EML5: variants seen among roughly 807,000 people sequenced by gnomAD.
EML5 encodes the protein EMAP like 5.
EML5 carries 120 observed loss-of-function variants against 250.0 expected under a neutral mutation model. The observed-to-expected ratio is 0.48, with a 90% confidence interval of 0.41 to 0.56. The LOEUF is 0.56. Among genes scored for constraint, EML5 ranks in the 20% least tolerant of loss-of-function variants. The pLI, the probability that EML5 is intolerant of heterozygous loss-of-function variation, is 0.00. For synonymous variants in EML5, 771 were observed against 806.5 expected, an observed-to-expected ratio of 0.96 and a Z score of 0.75; for missense variants, 2,006 against 2,437.6, an observed-to-expected ratio of 0.82 and a Z score of 3.73.
chr14:88,665,595 G>A (rs2092283330), intron 21 of EML5, 106 bp from the exon 22 acceptor site: 4 of 1,476,814 alleles, frequency 2.7e-6, no homozygotes, highest in Middle Eastern at 1.8e-4. Context: ...GGGGAGCTGA[G>A]GCAGGAGGAC....
At chr14:88,686,059 TA>T (rs928607433) in intron 19 of EML5, among the ~76,000 whole-genome samples, 7 of 152,080 alleles carry the variant, frequency 4.6e-5, no homozygotes, top group Non-Finnish European at 1.0e-4. Context: ...GACCCTGTGT[TA>T]GGGGCATATT....
intron 27 of EML5, among the ~76,000 whole-genome samples, chr14:88,651,260 T>C (rs991991636): frequency 5.3e-5 from 8 of 150,296 alleles, no homozygotes; most frequent in Non-Finnish European, 1.0e-4. Context: ...ATTTTCAAAA[T>C]ATTTAGCAGG....
chr14:88,711,694 A>C (rs962652568), intron 10 of EML5, among the ~76,000 whole-genome samples: 1 of 152,098 alleles, frequency 6.6e-6, no homozygotes, highest in African/African-American at 2.4e-5. Context: ...CTGTAATCCT[A>C]GTACTCTGGG....
At chr14:88,772,499 T>A (rs1485773975) in intron 1 of EML5, among the ~76,000 whole-genome samples, 1 of 152,218 alleles carries the variant, frequency 6.6e-6, no homozygotes, top group African/African-American at 2.4e-5. Flanking sequence ...AGCTCATGCC[T>A]GTAACAGCAC....
intron 29 of EML5, 90 bp downstream of exon 29, chr14:88,646,857 C>CACTAAGTA (rs2091371753): frequency 7.4e-7 from 1 of 1,347,912 alleles, no homozygotes; most frequent in African/African-American, 1.5e-5. Flanking sequence ...AGGTAAAGAA[C>CACTAAGTA]ACTAAGTAAC....
At position 88,754,701 on chromosome 14, in the gene EML5, T is replaced by G. The variant is rs749928664; in HGVS notation, c.198-30A>C. ...AAAATAAGGAAATAAATAAGTAGTA[T>G]TATTAAAAATTGCTTATACAGATTT... is the stretch of plus-strand genomic sequence containing the variant. On this transcript the variant is annotated intron_variant, in intron 1 of 43. Coordinates refer to ENST00000554922, the MANE Select transcript of EML5 (RefSeq NM_183387.3). 10 of 1,546,300 alleles carry G rather than the reference T, an allele frequency of 6.5e-6. No individual in the cohort carries two copies. The Admixed American group carries it at 9.8e-5, about 15-fold the overall frequency.
intron 19 of EML5, among the ~76,000 whole-genome samples, 165 bp from the exon 20 acceptor site, chr14:88,685,307 T>C (rs1195562708): frequency 6.6e-6 from 1 of 152,186 alleles, no homozygotes; most frequent in Non-Finnish European, 1.5e-5. Context: ...AATCATTCAA[T>C]TTAGTAATCT....
At position 88,687,227 on chromosome 14, in the gene EML5, G is replaced by A; in HGVS notation, c.2843C>T (p.Pro948Leu). ...AAGTCTCAAATCACCTTTAGATCCT[G>A]GGGCCAATGCAGCTCTTTTTATAGC... ...TYAIKRAALAPGSKGLLLEDN... is the reference protein window; with the variant it reads ...TYAIKRAALALGSKGLLLEDN... The change falls in exon 19 of 44, where the codon CCA becomes CTA. Residue 948 changes from proline (P) to leucine (L), a missense_variant. This residue lies in a region of EML5 where 1,375 missense variants were observed against 1,590.3 expected (regional missense o/e 0.86). Coordinates refer to ENST00000554922, the MANE Select transcript of EML5 (RefSeq NM_183387.3). 6.2e-7 allele frequency: 1 copy of A among 1,607,656 alleles called. No homozygotes were observed. Among genetic ancestry groups the A allele is most frequent in the Non-Finnish European group, 8.5e-7 (1 of 1,177,234 alleles).
chr14:88,679,633 A>G (rs1230291858), intron 21 of EML5, among the ~76,000 whole-genome samples: 1 of 152,176 alleles, frequency 6.6e-6, no homozygotes, highest in Non-Finnish European at 1.5e-5. Flanking sequence ...CGGAGGATGC[A>G]CTGAGCCAAG....
chr14:88,701,141 T>G (rs1241366178), intron 14 of EML5, among the ~76,000 whole-genome samples: 1 of 152,162 alleles, frequency 6.6e-6, no homozygotes, highest in African/African-American at 2.4e-5. Flanking sequence ...TACATATTTC[T>G]ACATTTAAAA....
intron 14 of EML5, 91 bp from the exon 15 acceptor site, chr14:88,697,043 T>C: frequency 1.2e-6 from 1 of 802,332 alleles, no homozygotes; most frequent in South Asian, 3.2e-5. Context: ...TTTTTACAGC[T>C]TGACTTATTT....
At chr14:88,782,092 G>A (rs2094503179) in intron 1 of EML5, among the ~76,000 whole-genome samples, 1 of 152,224 alleles carries the variant, frequency 6.6e-6, no homozygotes, top group Non-Finnish European at 1.5e-5. Flanking sequence ...AGTTCCTAGA[G>A]ACTTGTTGAA....
Position 88,662,225 on chromosome 14 carries a change from T to C in EML5, c.3499-395A>G, listed in dbSNP as rs148269906. ...AGAACTTTTACTTATGGTCTCTCCC[T>C]TCATTAAGACACTTTCATGTTAAAT... On this transcript the variant is annotated intron_variant, in intron 24 of 43. Coordinates refer to ENST00000554922, the MANE Select transcript of EML5 (RefSeq NM_183387.3). Among the ~76,000 whole-genome samples, 451 of 151,610 alleles carry C rather than the reference T, an allele frequency of 3.0e-3. 2 individuals are homozygous for C. The highest frequency in any genetic ancestry group is 0.011 in the African/African-American group (437 of 41,340).
intron 7 of EML5, among the ~76,000 whole-genome samples, chr14:88,731,362 T>G (rs940785747): frequency 6.6e-6 from 1 of 152,074 alleles, no homozygotes; most frequent in African/African-American, 2.4e-5. Flanking sequence ...AATGATGGTT[T>G]CCAGTCTCAT....
chr14:88,630,613 C>G (rs866845865), intron 33 of EML5, among the ~76,000 whole-genome samples: 1 of 152,114 alleles, frequency 6.6e-6, no homozygotes, highest in Non-Finnish European at 1.5e-5. Context: ...GTTTAATAAC[C>G]CAGACTTAAA....
chr14:88,648,222 C>T (rs1302010674), intron 28 of EML5, among the ~76,000 whole-genome samples: 1 of 152,092 alleles, frequency 6.6e-6, no homozygotes, highest in Non-Finnish European at 1.5e-5. Flanking sequence ...GCTTTGATGA[C>T]AACTAATCAT....
intron 1 of EML5, among the ~76,000 whole-genome samples, chr14:88,781,276 C>T (rs1166686733): frequency 6.6e-6 from 1 of 152,178 alleles, no homozygotes; most frequent in Non-Finnish European, 1.5e-5. Flanking sequence ...TGATAGGCTC[C>T]TAGTAACTTT....
chr14:88,753,999 T>C (rs2094131148), intron 2 of EML5, among the ~76,000 whole-genome samples: 1 of 151,086 alleles, frequency 6.6e-6, no homozygotes, highest in African/African-American at 2.4e-5. Context: ...TAGCCAGGCA[T>C]GATGGTATGT....
At chr14:88,653,201 A>C (rs2091714622) in intron 27 of EML5, among the ~76,000 whole-genome samples, 1 of 152,210 alleles carries the variant, frequency 6.6e-6, no homozygotes, top group South Asian at 2.1e-4. Context: ...TTGGGCTGAG[A>C]CAATAGAGTT....
Sources: gnomAD v4.1 joint callset for allele counts (sites outside exome capture counted in the v4.1 genomes callset) on GRCh38, gnomAD v4.1.1 for gene constraint, gnomAD v4.1.1 regional missense constraint, MANE v1.5 for transcripts, NCBI Gene and HGNC (gene_info 2026-07-23, HGNC 2026-07-21) for gene names.